DAB1: variants seen among roughly 807,000 people sequenced by gnomAD.
DAB1 encodes the protein DAB adaptor protein 1.
Under a neutral mutation model 64.6 loss-of-function variants are expected in DAB1, and 15 were observed. The ratio of observed to expected loss-of-function variants is 0.23; its 90% CI spans 0.16 to 0.36. DAB1 has a LOEUF of 0.36. Ranked by LOEUF, DAB1 falls within the 10% of genes least tolerant of loss-of-function variation. DAB1 has a pLI of 1.00. For missense variants in DAB1, 596 were observed against 706.7 expected (o/e 0.84, Z 1.78); for synonymous variants, 235 against 251.9 (o/e 0.93, Z 0.64).
At chr1:57,416,775 A>G (rs964369879) in intron 1 of DAB1, among the ~76,000 whole-genome samples, 1 of 152,218 alleles carries the variant, frequency 6.6e-6, no homozygotes, top group Non-Finnish European at 1.5e-5. Flanking sequence ...ATTCAATTCA[A>G]TTAAGCAGAA....
chr1:58,145,380 T>C (rs1463272680), intron 5 of DAB1, among the ~76,000 whole-genome samples: 1 of 152,216 alleles, frequency 6.6e-6, no homozygotes, highest in Non-Finnish European at 1.5e-5. Context: ...CGCATCTCTG[T>C]CTCGGTTTCT....
In DAB1 at chr1:58,056,629, C is replaced by A. The variant is rs147246136; in HGVS notation, n.387+93882G>T. 751 of 649,488 alleles carry A rather than the reference C, an allele frequency of 1.2e-3. 4 individuals are homozygous for A. Among genetic ancestry groups the A allele is most frequent in the African/African-American group, 0.011 (614 of 55,636 alleles). The allele number at this position is 649,488 out of a possible 1,614,324, so 40.2% of individuals were successfully genotyped here. On this transcript the variant is annotated intron_variant and non_coding_transcript_variant, in intron 5 of 20. Transcript: ENST00000485760. ...AGTGCAAGCTGTCTTCTGTCTGATC[C>A]TCCAGATCCATGCTTCAGGCTTCCT...
intron 5 of DAB1, among the ~76,000 whole-genome samples, chr1:57,999,648 G>T (rs1330617143): frequency 1.3e-5 from 2 of 152,148 alleles, no homozygotes; most frequent in Non-Finnish European, 2.9e-5. Context: ...CATCCAGTGA[G>T]TAAAGGCCAG....
At chr1:57,197,947 A>AC (rs1664768885) in intron 2 of DAB1, among the ~76,000 whole-genome samples, 1 of 152,062 alleles carries the variant, frequency 6.6e-6, no homozygotes, top group Non-Finnish European at 1.5e-5. Flanking sequence ...AGTGTTAGTA[A>AC]AAATGAAATA....
At chr1:58,502,059 T>C in intron 3 of DAB1, among the ~76,000 whole-genome samples, 1 of 152,184 alleles carries the variant, frequency 6.6e-6, no homozygotes, top group Middle Eastern at 3.2e-3. Flanking sequence ...AGATGACTGA[T>C]AAATACTTGT....
intron 5 of DAB1, among the ~76,000 whole-genome samples, chr1:58,075,755 C>T (rs1649598355): frequency 6.6e-6 from 1 of 152,156 alleles, no homozygotes; most frequent in Non-Finnish European, 1.5e-5. Flanking sequence ...CTCTCTCTCC[C>T]TCTCCTGTAT....
intron 3 of DAB1, among the ~76,000 whole-genome samples, chr1:58,503,265 C>T (rs754040955): frequency 6.6e-6 from 1 of 152,054 alleles, no homozygotes; most frequent in Non-Finnish European, 1.5e-5. Flanking sequence ...TCCCAGGGTG[C>T]GATAAAGTCC....
chr1:57,948,721 T>A (rs1212444735), intron 5 of DAB1, among the ~76,000 whole-genome samples: 1 of 152,196 alleles, frequency 6.6e-6, no homozygotes, highest in East Asian at 1.9e-4. Flanking sequence ...GGGAAGGATA[T>A]GTTCTCTCTT....
At chr1:57,118,871 T>C (rs1656386350) in intron 4 of DAB1, among the ~76,000 whole-genome samples, 1 of 152,188 alleles carries the variant, frequency 6.6e-6, no homozygotes, top group Admixed American at 6.5e-5. Context: ...ACAAGTTAAG[T>C]AATATGCTTG....
Position 58,527,124 on chromosome 1 carries a change from G to C in DAB1, n.107+137C>G, listed in dbSNP as rs1477500737. On this transcript the variant is annotated intron_variant and non_coding_transcript_variant, in intron 2 of 20. Transcript: ENST00000485760. Reference sequence around the variant, plus strand: ...AAGGTCCATAATCTTCAAATTTCTAGATTAACAGAAATTACATAAAGGGCT... The same window carrying C: ...AAGGTCCATAATCTTCAAATTTCTACATTAACAGAAATTACATAAAGGGCT... The C allele has an allele frequency of 5.1e-6, 3 of 593,914 alleles. No individual in the cohort carries two copies. In the African/African-American group the frequency reaches 5.6e-5, roughly 11 times the overall value. 36.8% of individuals were successfully genotyped at this position (593,914 alleles called of 1,614,324 possible).
At chr1:57,932,653 C>T (rs554161505) in intron 5 of DAB1, among the ~76,000 whole-genome samples, 20 of 152,194 alleles carry the variant, frequency 1.3e-4, no homozygotes, top group African/African-American at 4.6e-4. Flanking sequence ...ATCATTATGT[C>T]TTCTTGGAGA....
chr1:57,775,628 TCTA>T (rs1320279175), intron 6 of DAB1, among the ~76,000 whole-genome samples: 1 of 151,672 alleles, frequency 6.6e-6, no homozygotes, highest in Non-Finnish European at 1.5e-5. Flanking sequence ...CTGCATAAGT[TCTA>T]TTTTGGTGAA....
intron 4 of DAB1, among the ~76,000 whole-genome samples, chr1:58,232,167 G>T (rs1297259439): frequency 1.3e-5 from 2 of 152,112 alleles, no homozygotes; most frequent in Non-Finnish European, 2.9e-5. Flanking sequence ...TACCTGACAG[G>T]TCTACAAAGA....
At chr1:58,130,471 T>C (rs1653467508) in intron 5 of DAB1, among the ~76,000 whole-genome samples, 1 of 152,106 alleles carries the variant, frequency 6.6e-6, no homozygotes, top group African/African-American at 2.4e-5. Flanking sequence ...AAAATTAATA[T>C]TGTTATATGT....
chr1:57,374,692 G>A (rs1680759268), intron 1 of DAB1, among the ~76,000 whole-genome samples: 1 of 152,122 alleles, frequency 6.6e-6, no homozygotes, highest in Admixed American at 6.5e-5. Flanking sequence ...CTCTGCATGG[G>A]TAGCTCTAAA....
chr1:57,227,910 G>A (rs1667393909), intron 2 of DAB1, among the ~76,000 whole-genome samples: 1 of 152,136 alleles, frequency 6.6e-6, no homozygotes, highest in African/African-American at 2.4e-5. Flanking sequence ...GCATAACTTA[G>A]GGGAATAACT....
intron 7 of DAB1, among the ~76,000 whole-genome samples, chr1:57,524,274 C>G (rs759924463): frequency 6.6e-6 from 1 of 152,078 alleles, no homozygotes; most frequent in Non-Finnish European, 1.5e-5. Flanking sequence ...AAAAGTACCC[C>G]TTGAGAATCC....
At chr1:57,391,766 A>AACACACACACAC (rs57332880) in intron 1 of DAB1, among the ~76,000 whole-genome samples, 34 of 94,648 alleles carry the variant, frequency 3.6e-4, no homozygotes, top group South Asian at 2.0e-3. Context: ...CAGAGGAATA[A>AACACACACACAC]ACACACACAC....
At position 57,915,927 on chromosome 1, in the gene DAB1, G is replaced by A. The variant is rs72920632; in HGVS notation, n.388-31765C>T. Among the ~76,000 whole-genome samples, 589 of 152,254 alleles carry A rather than the reference G, an allele frequency of 3.9e-3. 2 individuals carry two copies. The highest frequency in any genetic ancestry group is 0.012 in the African/African-American group (518 of 41,544). On this transcript the variant is annotated intron_variant and non_coding_transcript_variant, in intron 5 of 20. Coordinates refer to the DAB1 transcript ENST00000485760. The stretch of plus-strand genomic sequence containing the variant: ...GGTACTCTGTTAGGTCATCTCCAAG[G>A]AGAAGAATTTTAGGTGAGCGCTTCA...
Sources: gnomAD v4.1 joint callset for allele counts (sites outside exome capture counted in the v4.1 genomes callset) on GRCh38, gnomAD v4.1.1 for gene constraint, MANE v1.5 for transcripts, NCBI Gene and HGNC (gene_info 2026-07-23, HGNC 2026-07-21) for gene names.